Variants in TMEFF2 observed in about 807,000 individuals in gnomAD.
TMEFF2 encodes the protein tomoregulin-2.
A neutral mutation model predicts 53.8 loss-of-function variants in TMEFF2; 28 were observed. The observed-to-expected ratio is 0.52, with a 90% CI of 0.39 to 0.71. The LOEUF is 0.71. Ranked by LOEUF, TMEFF2 falls within the 30% of genes least tolerant of loss-of-function variation. The probability of loss-of-function intolerance (pLI) is 0.00; values close to 1 mark genes in which losing one functional copy is unlikely to be tolerated. For missense variants in TMEFF2, 353 were observed against 455.2 expected, an observed-to-expected ratio of 0.78 and a Z score of 2.04; for synonymous variants, 162 against 166.3, an observed-to-expected ratio of 0.97 and a Z score of 0.20.
intron 4 of TMEFF2, among the ~76,000 whole-genome samples, chr2:192,058,174 T>C (rs1238208730): frequency 6.6e-6 from 1 of 152,226 alleles, no homozygotes; most frequent in Non-Finnish European, 1.5e-5. Context: ...TTCCAGATTA[T>C]GGACTTTTTC....
intron 4 of TMEFF2, among the ~76,000 whole-genome samples, chr2:192,163,890 C>A (rs981344319): frequency 6.6e-6 from 1 of 152,040 alleles, no homozygotes; most frequent in Non-Finnish European, 1.5e-5. Flanking sequence ...CATTTTTGTT[C>A]ACACCAATAA....
At chr2:192,157,334 C>G (rs192119743) in intron 4 of TMEFF2, among the ~76,000 whole-genome samples, 6 of 152,036 alleles carry the variant, frequency 3.9e-5, no homozygotes, top group Admixed American at 3.3e-4. Context: ...TACTCTGAAT[C>G]TTAGTTTTCT....
At chr2:192,132,970 G>A (rs868345032) in intron 4 of TMEFF2, among the ~76,000 whole-genome samples, 1 of 152,124 alleles carries the variant, frequency 6.6e-6, no homozygotes, top group Non-Finnish European at 1.5e-5. Flanking sequence ...TGGAAAGTAA[G>A]TCCGTCCCCT....
intron 4 of TMEFF2, among the ~76,000 whole-genome samples, chr2:192,075,285 T>TTATA (rs111733023): frequency 8.8e-4 from 58 of 65,728 alleles, no homozygotes; most frequent in African/African-American, 3.3e-3. Context: ...TACAGTACTA[T>TTATA]TATATATATA....
chr2:192,174,991 C>T (rs1691003945), intron 4 of TMEFF2, among the ~76,000 whole-genome samples: 1 of 151,682 alleles, frequency 6.6e-6, no homozygotes, highest in Admixed American at 6.6e-5. Flanking sequence ...TTGTTATTTA[C>T]AGTATATTTA....
chr2:192,048,361 AACACACAC>A (rs3053696), intron 5 of TMEFF2, among the ~76,000 whole-genome samples: 87 of 143,266 alleles, frequency 6.1e-4, no homozygotes, highest in African/African-American at 6.0e-4. Context: ...ATTCTCATAA[AACACACAC>A]ACACACACAC....
chr2:192,047,011 C>T (rs982779665), intron 5 of TMEFF2, among the ~76,000 whole-genome samples: 2 of 151,956 alleles, frequency 1.3e-5, no homozygotes, highest in Non-Finnish European at 2.9e-5. Context: ...GCCTCTGCCT[C>T]CCAGGTTCAG....
intron 4 of TMEFF2, among the ~76,000 whole-genome samples, chr2:192,075,129 G>T (rs542149668): frequency 6.6e-6 from 1 of 150,690 alleles, no homozygotes. Context: ...TAGAATACTC[G>T]AACTAGGCAC....
chr2:192,137,951 TG>T (rs1317583729), intron 4 of TMEFF2, among the ~76,000 whole-genome samples: 2 of 151,954 alleles, frequency 1.3e-5, no homozygotes, highest in Admixed American at 6.6e-5. Context: ...AATCCCCTCC[TG>T]GGATTATAGG....
At position 192,127,081 on chromosome 2, in the gene TMEFF2, C is replaced by T. The variant is rs1360858298; in HGVS notation, c.439+52587G>A. 2.0e-5 allele frequency among the ~76,000 whole-genome samples: 3 copies of T among 152,258 alleles called. No homozygotes were observed. The East Asian group carries it at 5.8e-4, about 29-fold the overall frequency. On this transcript the variant is annotated intron_variant, in intron 4 of 9. Transcript: ENST00000272771. ...AGTACATGAATGAGATTATTAGTGCCAAGCAACTCATCCCTCCACCAGGCT... is the reference window on the plus strand; with the variant it reads ...AGTACATGAATGAGATTATTAGTGCTAAGCAACTCATCCCTCCACCAGGCT...
intron 9 of TMEFF2, among the ~76,000 whole-genome samples, chr2:191,950,908 T>C (rs1422718283): frequency 6.6e-6 from 1 of 152,198 alleles, no homozygotes; most frequent in Non-Finnish European, 1.5e-5. Flanking sequence ...TTTTTGTACA[T>C]TACTAGTATA....
chr2:192,190,985 A>G (rs1416501703), intron 2 of TMEFF2, among the ~76,000 whole-genome samples: 2 of 152,100 alleles, frequency 1.3e-5, no homozygotes, highest in African/African-American at 4.8e-5. Context: ...TCAGATTTTA[A>G]AAGTATTTTT....
At position 192,013,616 on chromosome 2, in the gene TMEFF2, A is replaced by G. The variant is rs375965881; in HGVS notation, c.537-14408T>C. ...AGGCGCCCACCACCATGCCCAGCTA[A>G]TTTTTCTATTTTTAGTAGAGACAGG... On this transcript the variant is annotated intron_variant, in intron 5 of 9. Coordinates refer to ENST00000272771, the MANE Select transcript of TMEFF2 (RefSeq NM_016192.4). Among the ~76,000 whole-genome samples the G allele has an allele frequency of 8.9e-4, 136 of 151,956 alleles. 5 individuals carry two copies. In the South Asian group the frequency reaches 0.026, roughly 29 times the overall value.
At chr2:192,152,428 C>A (rs982421270) in intron 4 of TMEFF2, among the ~76,000 whole-genome samples, 10 of 151,432 alleles carry the variant, frequency 6.6e-5, no homozygotes, top group African/African-American at 2.4e-4. Flanking sequence ...GGTAGTTAAG[C>A]AAGAAAGAGA....
chr2:192,084,499 G>A (rs898544595), intron 4 of TMEFF2, among the ~76,000 whole-genome samples: 4 of 152,020 alleles, frequency 2.6e-5, no homozygotes, highest in Non-Finnish European at 4.4e-5. Flanking sequence ...AAAGAAGAAC[G>A]GACCCAAAGT....
intron 6 of TMEFF2, 72 bp from the exon 7 acceptor site, chr2:191,998,393 C>T: frequency 9.0e-7 from 1 of 1,117,006 alleles, no homozygotes; most frequent in South Asian, 1.4e-5. Flanking sequence ...TTATATATTT[C>T]CTCCAACAAT....
intron 7 of TMEFF2, among the ~76,000 whole-genome samples, chr2:191,983,687 G>A (rs948188869): frequency 2.6e-5 from 4 of 152,144 alleles, no homozygotes; most frequent in African/African-American, 9.7e-5. Context: ...TGACAAAAGT[G>A]ACAGCAAACT....
chr2:192,182,773 G>A (rs111530648), intron 3 of TMEFF2, among the ~76,000 whole-genome samples: 5 of 151,756 alleles, frequency 3.3e-5, no homozygotes, highest in Admixed American at 6.6e-5. Flanking sequence ...AATACTCTAC[G>A]GTATTTGCCT....
intron 4 of TMEFF2, among the ~76,000 whole-genome samples, chr2:192,132,486 A>C (rs1434448197): frequency 6.6e-6 from 1 of 151,926 alleles, no homozygotes; most frequent in Non-Finnish European, 1.5e-5. Flanking sequence ...ATTAAATAAA[A>C]CTCCAAAAAA....
Sources: gnomAD v4.1 joint callset for allele counts (sites outside exome capture counted in the v4.1 genomes callset) on GRCh38, gnomAD v4.1.1 for gene constraint, MANE v1.5 for transcripts, NCBI Gene and HGNC (gene_info 2026-07-23, HGNC 2026-07-21) for gene names.